ADAMTS17: variants seen among roughly 807,000 people sequenced by gnomAD.
The protein encoded by ADAMTS17 is A disintegrin and metalloproteinase with thrombospondin motifs 17.
ADAMTS17 carries 113 observed loss-of-function variants against 141.5 expected under a neutral mutation model. The observed-to-expected ratio is 0.80, with a 90% CI of 0.69 to 0.93. The LOEUF (loss-of-function observed/expected upper bound fraction) is 0.93. ADAMTS17 is among the 40% of genes least tolerant of loss of function. The pLI, the probability that ADAMTS17 is intolerant of heterozygous loss-of-function variation, is 0.00. For synonymous variants in ADAMTS17, 768 were observed against 630.6 expected, an observed-to-expected ratio of 1.22 and a Z score of -3.27; for missense variants, 1,659 against 1,517.9, an observed-to-expected ratio of 1.09 and a Z score of -1.54.
At chr15:100,066,068 T>C (rs1250949622) in intron 15 of ADAMTS17, among the ~76,000 whole-genome samples, 3 of 152,260 alleles carry the variant, frequency 2.0e-5, no homozygotes, top group African/African-American at 7.2e-5. Flanking sequence ...TTCTTTTTTA[T>C]GGCTGCATAG....
At chr15:100,178,777 T>C (rs11856479) in intron 8 of ADAMTS17, among the ~76,000 whole-genome samples, 13 of 152,210 alleles carry the variant, frequency 8.5e-5, no homozygotes, top group African/African-American at 2.9e-4. Context: ...TTTCTGAGAA[T>C]GTATTTTTTC....
intron 15 of ADAMTS17, among the ~76,000 whole-genome samples, chr15:100,064,231 C>A (rs765236856): frequency 4.5e-4 from 68 of 152,156 alleles, no homozygotes; most frequent in Non-Finnish European, 7.9e-4. Flanking sequence ...AGACTGCCAG[C>A]AAACCACCAG....
chr15:100,270,132 AGCCATTTCTTCTGTGACTCTGG>A (rs2043853507), intron 4 of ADAMTS17, among the ~76,000 whole-genome samples: 4 of 127,692 alleles, frequency 3.1e-5, no homozygotes, highest in Admixed American at 7.6e-5. Context: ...GTGACTCTGG[AGCCATTTCTTCTGTGACTCTGG>A]AGCCATTTCT....
At position 100,078,053 on chromosome 15, in the gene ADAMTS17, T is replaced by G. The variant is rs181555975; in HGVS notation, c.2137+18303A>C. 5.3e-5 allele frequency among the ~76,000 whole-genome samples: 8 copies of G among 151,220 alleles called. 1 individual carries two copies. In the East Asian group the frequency reaches 1.2e-3, roughly 22 times the overall value. On this transcript the variant is annotated intron_variant, in intron 15 of 21. Coordinates refer to ENST00000268070, the MANE Select transcript of ADAMTS17 (RefSeq NM_139057.4). ...ATACATTAAAAAAAGACCTGGAGGG[T>G]TTGTAAGATGAAGACTACAATACAT... is the stretch of plus-strand genomic sequence containing the variant.
chr15:100,286,449 G>A (rs879855769), intron 3 of ADAMTS17, among the ~76,000 whole-genome samples: 1 of 152,148 alleles, frequency 6.6e-6, no homozygotes, highest in South Asian at 2.1e-4. Flanking sequence ...AGCAGACCGG[G>A]AACACCTCAG....
chr15:99,982,100 T>G (rs1168256593), intron 20 of ADAMTS17, among the ~76,000 whole-genome samples: 1 of 152,192 alleles, frequency 6.6e-6, no homozygotes, highest in Non-Finnish European at 1.5e-5. Context: ...AAACTCTTGT[T>G]TGTAGAATTG....
At chr15:99,977,094 C>A (rs2060349782) in intron 20 of ADAMTS17, among the ~76,000 whole-genome samples, 2 of 151,998 alleles carry the variant, frequency 1.3e-5, no homozygotes, top group Non-Finnish European at 2.9e-5. Context: ...GAATTTCCCA[C>A]AAGCCTGGAG....
chr15:100,290,745 A>C (rs539531923), intron 3 of ADAMTS17, among the ~76,000 whole-genome samples: 4 of 152,340 alleles, frequency 2.6e-5, no homozygotes, highest in Admixed American at 2.6e-4. Context: ...AACAAAAACA[A>C]GCACTAGGGA....
At chr15:100,095,261 A>G (rs551681195) in intron 15 of ADAMTS17, among the ~76,000 whole-genome samples, 1 of 152,036 alleles carries the variant, frequency 6.6e-6, no homozygotes, top group African/African-American at 2.4e-5. Flanking sequence ...TCCACCTGAA[A>G]TTTCATTTTT....
At chr15:100,008,247 G>A (rs75739178) in intron 18 of ADAMTS17, among the ~76,000 whole-genome samples, 366 of 152,160 alleles carry the variant, frequency 2.4e-3, no homozygotes, top group African/African-American at 8.6e-3. Flanking sequence ...AGTCGGAGGG[G>A]GTGTGTGGGG....
chr15:100,269,346 G>A (rs2043824897), intron 4 of ADAMTS17, among the ~76,000 whole-genome samples: 1 of 152,190 alleles, frequency 6.6e-6, no homozygotes, highest in South Asian at 2.1e-4. Context: ...ATGTACCCAG[G>A]AGTAGAGGTG....
chr15:100,168,982 T>C (rs2040056861), intron 8 of ADAMTS17, among the ~76,000 whole-genome samples: 1 of 152,208 alleles, frequency 6.6e-6, no homozygotes, highest in South Asian at 2.1e-4. Flanking sequence ...GGCAGATGTG[T>C]TGGGCATCGT....
rs765090779 is a variant in ADAMTS17 at position 99,974,425 on chromosome 15, G to T, written c.3265C>A (p.Arg1089Ser). Reference sequence around the variant, plus strand: ...TGTCACGAGTTCGGCGGTGGCTGGCGCATCTTGTTTGCATAGAAGTCCCTG... The same window carrying T: ...TGTCACGAGTTCGGCGGTGGCTGGCTCATCTTGTTTGCATAGAAGTCCCTG... ...TCRDFYANKM[R>S]QPPPNS is the part of the protein sequence containing the mutation. The change falls in exon 22 of 22, where the codon CGC becomes AGC. Residue 1089 changes from arginine (R) to serine (S), a missense_variant. Arg to Ser is a moderately radical substitution (Grantham distance 110, BLOSUM62 -1). Coordinates refer to ENST00000268070, the MANE Select transcript of ADAMTS17 (RefSeq NM_139057.4). 4.3e-6 allele frequency: 7 copies of T among 1,614,040 alleles called. No homozygotes were observed.
chr15:100,013,408 C>T (rs1028555578), intron 18 of ADAMTS17, among the ~76,000 whole-genome samples: 36 of 152,142 alleles, frequency 2.4e-4, no homozygotes, highest in African/African-American at 8.7e-4. Flanking sequence ...CTGGATAGGA[C>T]TTCCAGTACT....
intron 6 of ADAMTS17, 21 bp from the exon 7 acceptor site, chr15:100,254,200 C>T (rs2043249850): frequency 6.2e-7 from 1 of 1,610,466 alleles, no homozygotes; most frequent in East Asian, 2.2e-5. Context: ...AAAAAGCCAT[C>T]ATCAGGTATA....
At chr15:100,158,652 C>T (rs114184348) in intron 8 of ADAMTS17, among the ~76,000 whole-genome samples, 1,623 of 152,286 alleles carry the variant, frequency 0.011, 22 homozygotes, top group African/African-American at 0.033. Context: ...ATTTGACTAT[C>T]TTAGATGCCT....
At chr15:100,320,599 G>A (rs1445618806) in intron 3 of ADAMTS17, among the ~76,000 whole-genome samples, 3 of 152,182 alleles carry the variant, frequency 2.0e-5, no homozygotes, top group East Asian at 1.9e-4. Context: ...TTGGGAGGCC[G>A]AGGCGGGCCA....
At chr15:99,982,577 G>A (rs558747024) in intron 20 of ADAMTS17, among the ~76,000 whole-genome samples, 2 of 152,334 alleles carry the variant, frequency 1.3e-5, no homozygotes, top group South Asian at 4.1e-4. Flanking sequence ...GGAGACTGTA[G>A]TGTCTCCTGA....
chr15:100,234,295 C>T (rs749767874), intron 7 of ADAMTS17, among the ~76,000 whole-genome samples: 7 of 152,174 alleles, frequency 4.6e-5, no homozygotes, highest in South Asian at 2.1e-4. Context: ...CCGTTTTCCA[C>T]GAGGCAGACA....
Sources: gnomAD v4.1 joint callset for allele counts (sites outside exome capture counted in the v4.1 genomes callset) on GRCh38, gnomAD v4.1.1 for gene constraint, MANE v1.5 for transcripts, NCBI Gene and HGNC (gene_info 2026-07-23, HGNC 2026-07-21) for gene names.